Variants in RAB3C observed in about 807,000 individuals in gnomAD.
The protein encoded by RAB3C is ras-related protein Rab-3C.
RAB3C carries 17 observed loss-of-function variants against 26.4 expected under a neutral mutation model. The observed-to-expected ratio is 0.64, with a 90% CI of 0.44 to 0.97. The LOEUF (loss-of-function observed/expected upper bound fraction) is 0.97, where lower values mean the gene tolerates loss of function less well. RAB3C is among the 50% of genes least tolerant of loss of function. The pLI is 0.00. For missense variants in RAB3C, 242 were observed against 281.9 expected, an observed-to-expected ratio of 0.86 and a Z score of 1.01; for synonymous variants, 91 against 95.9, an observed-to-expected ratio of 0.95 and a Z score of 0.30.
intron 2 of RAB3C, among the ~76,000 whole-genome samples, chr5:58,625,164 A>G (rs1233724781): frequency 6.6e-6 from 1 of 152,186 alleles, no homozygotes; most frequent in African/African-American, 2.4e-5. Context: ...TTTCTCTATA[A>G]GTACAACATT....
chr5:58,749,793 A>T lies in RAB3C; in HGVS notation c.371+23673A>T, dbSNP rs559478030. ...CTTTGTTATTAATTTTTTTGTTTCA[A>T]TAACCATGCTTTAGCCTTGCAGCTA... On this transcript the variant is annotated intron_variant, in intron 3 of 4. Coordinates refer to ENST00000282878, the MANE Select transcript of RAB3C (RefSeq NM_138453.4). 1.2e-3 allele frequency among the ~76,000 whole-genome samples: 189 copies of T among 152,260 alleles called. 2 individuals carry two copies. Among genetic ancestry groups the T allele is most frequent in the Middle Eastern group, 0.01 (3 of 290 alleles).
At chr5:58,670,498 A>G (rs1462563395) in intron 2 of RAB3C, among the ~76,000 whole-genome samples, 1 of 152,312 alleles carries the variant, frequency 6.6e-6, no homozygotes, top group East Asian at 1.9e-4. Flanking sequence ...AAGCTAGCCA[A>G]ATCTCTCTTA....
chr5:58,851,263 T>G lies in RAB3C; in HGVS notation c.596T>G (p.Leu199Trp). 1 of 1,613,930 alleles carries G rather than the reference T, an allele frequency of 6.2e-7. No homozygotes were observed. The highest frequency in any genetic ancestry group is 8.5e-7 in the Non-Finnish European group (1 of 1,179,918). The change falls in exon 5 of 5, where the codon TTG becomes TGG. Residue 199 changes from leucine to tryptophan, a missense_variant. Coordinates refer to ENST00000282878, the MANE Select transcript of RAB3C (RefSeq NM_138453.4). ...DIICDKMSES[L>W]ETDPAITAAK... is the part of the protein sequence containing the mutation. Reference sequence around the variant, plus strand: ...ATCTGCGACAAAATGTCAGAGAGTTTGGAGACTGATCCTGCCATCACTGCT... The same window carrying G: ...ATCTGCGACAAAATGTCAGAGAGTTGGGAGACTGATCCTGCCATCACTGCT...
At chr5:58,736,025 C>G (rs939283188) in intron 3 of RAB3C, among the ~76,000 whole-genome samples, 3 of 152,166 alleles carry the variant, frequency 2.0e-5, no homozygotes, top group Non-Finnish European at 2.9e-5. Context: ...GCATGTACAC[C>G]TAGGCTCTTC....
At chr5:58,839,678 TTC>T (rs1743834183) in intron 4 of RAB3C, among the ~76,000 whole-genome samples, 3 of 152,078 alleles carry the variant, frequency 2.0e-5, no homozygotes, top group Admixed American at 2.0e-4. Flanking sequence ...CCTGATTCCT[TTC>T]TCTTTTTTCC....
At chr5:58,740,239 AGCATCCTGGACCTCAC>A (rs1351781754) in intron 3 of RAB3C, among the ~76,000 whole-genome samples, 1 of 152,206 alleles carries the variant, frequency 6.6e-6, no homozygotes, top group African/African-American at 2.4e-5. Flanking sequence ...GGCTGTTGGC[AGCATCCTGGACCTCAC>A]GCCTGGGCCT....
intron 3 of RAB3C, among the ~76,000 whole-genome samples, chr5:58,760,938 A>G (rs16888569): frequency 0.018 from 2,772 of 152,294 alleles, 86 homozygotes; most frequent in African/African-American, 0.063. Flanking sequence ...GATAACGAGC[A>G]TCACTTAAAC....
At chr5:58,740,553 G>A (rs1368237195) in intron 3 of RAB3C, among the ~76,000 whole-genome samples, 1 of 152,196 alleles carries the variant, frequency 6.6e-6, no homozygotes, top group Admixed American at 6.5e-5. Flanking sequence ...CAGGCGTGGT[G>A]GCTCACGCCT....
intron 2 of RAB3C, among the ~76,000 whole-genome samples, chr5:58,714,699 A>G (rs1262411186): frequency 6.6e-6 from 1 of 152,082 alleles, no homozygotes; most frequent in East Asian, 1.9e-4. Flanking sequence ...AGTTAAAGAT[A>G]TTGCTTGTTT....
At position 58,781,934 on chromosome 5, in the gene RAB3C, AT is replaced by A. The variant is rs906621347; in HGVS notation, c.372-43095del. 6.7e-4 allele frequency among the ~76,000 whole-genome samples: 102 copies of A among 151,744 alleles called. 1 individual carries two copies. In the Middle Eastern group the frequency reaches 0.01, roughly 15 times the overall value. On this transcript the variant is annotated intron_variant, in intron 3 of 4. Transcript: ENST00000282878. ...AGCTTAGATTTTATATTCTACATAA[AT>A]TTTTTTTTGATTCTCCCTTCTACCG... is the stretch of plus-strand genomic sequence containing the variant.
intron 3 of RAB3C, among the ~76,000 whole-genome samples, chr5:58,781,746 A>G (rs1448313656): frequency 2.6e-5 from 4 of 151,920 alleles, no homozygotes. Flanking sequence ...CCTACACTGT[A>G]TCTCTTCTCT....
chr5:58,777,827 A>G (rs1185431091), intron 3 of RAB3C, among the ~76,000 whole-genome samples: 1 of 150,982 alleles, frequency 6.6e-6, no homozygotes, highest in East Asian at 2.0e-4. Flanking sequence ...TCCCACCTCT[A>G]AGTGAGAACA....
intron 4 of RAB3C, among the ~76,000 whole-genome samples, chr5:58,849,493 T>C (rs572733979): frequency 6.6e-6 from 1 of 152,164 alleles, no homozygotes; most frequent in Non-Finnish European, 1.5e-5. Context: ...TGCACAAACA[T>C]TATAAAAGAG....
intron 3 of RAB3C, among the ~76,000 whole-genome samples, chr5:58,728,051 A>C (rs1477836983): frequency 6.6e-6 from 1 of 151,838 alleles, no homozygotes; most frequent in Admixed American, 6.6e-5. Context: ...TCTTTCCTCA[A>C]TCTGCTACTC....
chr5:58,857,593 T>G lies in RAB3C; in HGVS notation c.*6242T>G, dbSNP rs1157426783. ...TTTCACCTCTGTACTTGTATGTATA[T>G]TTTATTGTTACTCAATCTTGTATTT... On this transcript the variant is annotated 3_prime_UTR_variant, in exon 5 of 5. Coordinates refer to ENST00000282878, the MANE Select transcript of RAB3C (RefSeq NM_138453.4). The G allele has an allele frequency of 6.6e-6, 1 of 152,210 alleles. No individual in the cohort carries two copies. Among genetic ancestry groups the G allele is most frequent in the Non-Finnish European group, 1.5e-5 (1 of 68,024 alleles). 9.4% of individuals were successfully genotyped at this position (152,210 alleles called of 1,614,324 possible). A position where few individuals can be genotyped will look rare whatever the true frequency, so the allele number is the denominator to read the frequency against.
At chr5:58,686,197 GA>G (rs1395495063) in intron 2 of RAB3C, among the ~76,000 whole-genome samples, 1 of 152,070 alleles carries the variant, frequency 6.6e-6, no homozygotes, top group East Asian at 1.9e-4. Flanking sequence ...CAAAGAAGTT[GA>G]AAAATATCAT....
chr5:58,746,403 A>G (rs764269284), intron 3 of RAB3C, among the ~76,000 whole-genome samples: 25 of 152,192 alleles, frequency 1.6e-4, no homozygotes, highest in Non-Finnish European at 2.6e-4. Context: ...AATGGGTGAT[A>G]TGCTGAATAA....
intron 4 of RAB3C, among the ~76,000 whole-genome samples, chr5:58,837,391 A>C (rs761160727): frequency 6.6e-6 from 1 of 152,044 alleles, no homozygotes; most frequent in Non-Finnish European, 1.5e-5. Flanking sequence ...CATGTTTGCC[A>C]GGCTGGTCTC....
At chr5:58,782,089 C>A (rs947960608) in intron 3 of RAB3C, among the ~76,000 whole-genome samples, 2 of 152,088 alleles carry the variant, frequency 1.3e-5, no homozygotes, top group African/African-American at 4.8e-5. Context: ...GTATTTGCAT[C>A]CTCTTTTACC....
Sources: gnomAD v4.1 joint callset for allele counts (sites outside exome capture counted in the v4.1 genomes callset) on GRCh38, gnomAD v4.1.1 for gene constraint, MANE v1.5 for transcripts, NCBI Gene and HGNC (gene_info 2026-07-23, HGNC 2026-07-21) for gene names.